The following CDC42EP3 variants were observed in gnomAD, a reference collection of about 807,000 sequenced individuals.
The protein encoded by CDC42EP3 is CDC42 effector protein 3.
CDC42EP3 carries 4 observed loss-of-function variants against 15.5 expected under a neutral mutation model. The observed-to-expected ratio is 0.26, with a 90% confidence interval of 0.13 to 0.59. The LOEUF is 0.59. CDC42EP3 is among the 20% of genes least tolerant of loss of function. The pLI, the probability that CDC42EP3 is intolerant of heterozygous loss-of-function variation, is 0.89. For missense variants in CDC42EP3, 309 were observed against 311.2 expected, an observed-to-expected ratio of 0.99 and a Z score of 0.05; for synonymous variants, 145 against 130.3, an observed-to-expected ratio of 1.11 and a Z score of -0.77.
chr2:37,647,837 C>T (rs79950561), intron 1 of CDC42EP3, among the ~76,000 whole-genome samples: 1 of 152,088 alleles, frequency 6.6e-6, no homozygotes, highest in Non-Finnish European at 1.5e-5. Context: ...TTACACTGTG[C>T]AAGGGCCTAT....
At position 37,646,758 on chromosome 2, in the gene CDC42EP3, C is replaced by T. The variant is rs572227593; in HGVS notation, c.-171G>A. The T allele has an allele frequency of 5.3e-5, 34 of 640,338 alleles. No homozygotes were observed. Among genetic ancestry groups the T allele is most frequent in the Middle Eastern group, 4.6e-4 (1 of 2,194 alleles). The allele number at this position is 640,338 out of a possible 1,614,324, so 39.7% of individuals were successfully genotyped here. Reference sequence around the variant, plus strand: ...GTCAAAGAGAACCTTCCTGAGGTTACGGCCAAGTGAGGCTTCCTAGAGAGC... The same window carrying T: ...GTCAAAGAGAACCTTCCTGAGGTTATGGCCAAGTGAGGCTTCCTAGAGAGC... On this transcript the variant is annotated 5_prime_UTR_variant, in exon 2 of 2. Coordinates refer to ENST00000295324, the MANE Select transcript of CDC42EP3 (RefSeq NM_006449.5).
intron 1 of CDC42EP3, among the ~76,000 whole-genome samples, chr2:37,661,738 A>C (rs1181287561): frequency 1.3e-5 from 2 of 152,172 alleles, no homozygotes; most frequent in Non-Finnish European, 2.9e-5. Flanking sequence ...ACCCCACCAG[A>C]ATTAGTGATG....
chr2:37,657,088 T>C (rs1003553822), intron 1 of CDC42EP3, among the ~76,000 whole-genome samples: 1 of 146,872 alleles, frequency 6.8e-6, no homozygotes, highest in African/African-American at 2.5e-5. Context: ...GGAAGCCCAT[T>C]GCATGCGACA....
Position 37,645,913 on chromosome 2 carries a change from A to C in CDC42EP3, c.675T>G (p.Ser225=). 1 of 1,612,868 alleles carries C rather than the reference A, an allele frequency of 6.2e-7. No homozygotes were observed. Among genetic ancestry groups the C allele is most frequent in the Admixed American group, 1.7e-5 (1 of 59,876 alleles). The change falls in exon 2 of 2, where the codon TCT becomes TCG. Residue 225 remains serine, a synonymous_variant. Coordinates refer to ENST00000295324, the MANE Select transcript of CDC42EP3 (RefSeq NM_006449.5). Reference sequence around the variant, plus strand: ...GGGAGAGGAGGGAACCTGTAAGGTCAGAGAGGGACTCCTCTGACTTAGTCT... The same window carrying C: ...GGGAGAGGAGGGAACCTGTAAGGTCCGAGAGGGACTCCTCTGACTTAGTCT... The part of the protein sequence containing the change: ...KGKTKSEESL[S]DLTGSLLSLQ...
At position 37,643,609 on chromosome 2, in the gene CDC42EP3, T is replaced by C. The variant is rs549250353; in HGVS notation, c.*2214A>G. ...CACAGCCATACTCCTCCCCTTTTCATGAAATAGTTTCATCTTTACCTTGAG... is the reference window on the plus strand; with the variant it reads ...CACAGCCATACTCCTCCCCTTTTCACGAAATAGTTTCATCTTTACCTTGAG... On this transcript the variant is annotated 3_prime_UTR_variant, in exon 2 of 2. Transcript: ENST00000295324. The C allele has an allele frequency of 9.9e-5, 15 of 152,284 alleles. No homozygotes were observed. Among genetic ancestry groups the C allele is most frequent in the African/African-American group, 3.4e-4 (14 of 41,560 alleles). 9.4% of individuals were successfully genotyped at this position (152,284 alleles called of 1,614,324 possible).
chr2:37,667,708 A>C (rs963795137), intron 1 of CDC42EP3, among the ~76,000 whole-genome samples: 1 of 152,228 alleles, frequency 6.6e-6, no homozygotes, highest in African/African-American at 2.4e-5. Context: ...TGTCATCTTC[A>C]ACTGTGAGAT....
rs1466727049 is a variant in CDC42EP3 at position 37,662,077 on chromosome 2, C to CA, written c.-236+9348dup. ...AAACATCTAGCGTCTAGGAAGTTTC[C>CA]AAAAAAGAAAAAAAAAAAGTAATGT... On this transcript the variant is annotated intron_variant, in intron 1 of 1. Coordinates refer to ENST00000295324, the MANE Select transcript of CDC42EP3 (RefSeq NM_006449.5). Among the ~76,000 whole-genome samples the CA allele has an allele frequency of 2.7e-5, 4 of 145,618 alleles. No homozygotes were observed. The East Asian group carries it at 5.9e-4, about 21-fold the overall frequency.
chr2:37,671,629 A>C lies in CDC42EP3; in HGVS notation c.-439T>G, dbSNP rs1666424508. 6.6e-6 allele frequency: 1 copy of C among 152,290 alleles called. No homozygotes were observed. The highest frequency in any genetic ancestry group is 1.5e-5 in the Non-Finnish European group (1 of 67,910). 9.4% of individuals were successfully genotyped at this position (152,290 alleles called of 1,614,324 possible). ...GCTGCGGTCCCCCGGCCGCGAGAGA[A>C]GGTGCGCGCGACTGAGCGCGGGGCG... On this transcript the variant is annotated 5_prime_UTR_variant, in exon 1 of 2. Coordinates refer to ENST00000295324, the MANE Select transcript of CDC42EP3 (RefSeq NM_006449.5).
chr2:37,665,498 A>G (rs573197408), intron 1 of CDC42EP3, among the ~76,000 whole-genome samples: 1 of 152,222 alleles, frequency 6.6e-6, no homozygotes, highest in Non-Finnish European at 1.5e-5. Flanking sequence ...TTGAGAAATC[A>G]AACACATTCT....
At chr2:37,671,142 A>G (rs770669756) in intron 1 of CDC42EP3, among the ~76,000 whole-genome samples, 38 of 152,246 alleles carry the variant, frequency 2.5e-4, no homozygotes, top group Non-Finnish European at 5.0e-4. Flanking sequence ...GGCTCTGCCA[A>G]TAGCTCGGAG....
chr2:37,656,233 C>T (rs542475516), intron 1 of CDC42EP3, among the ~76,000 whole-genome samples: 38 of 152,336 alleles, frequency 2.5e-4, no homozygotes, highest in Non-Finnish European at 2.8e-4. Flanking sequence ...ACTTCCACTA[C>T]CAACATCCTT....
chr2:37,645,629 T>A lies in CDC42EP3; in HGVS notation c.*194A>T. 1 of 464,974 alleles carries A rather than the reference T, an allele frequency of 2.2e-6. No homozygotes were observed. The allele number at this position is 464,974 out of a possible 1,614,324, so 28.8% of individuals were successfully genotyped here. On this transcript the variant is annotated 3_prime_UTR_variant, in exon 2 of 2. Transcript: ENST00000295324. ...GACTCACTTCCTTTTTTTGCCAAGA[T>A]AGGTTTTGCTTTGTTGTTTTTTTCT...
chr2:37,646,150 C>T lies in CDC42EP3; in HGVS notation c.438G>A (p.Glu146=). 6.2e-7 allele frequency: 1 copy of T among 1,614,210 alleles called. No homozygotes were observed. Among genetic ancestry groups the T allele is most frequent in the African/African-American group, 1.3e-5 (1 of 75,030 alleles). Residue 146 remains glutamate, a synonymous_variant, in exon 2 of 2, where the codon GAG becomes GAA. Transcript: ENST00000295324. The part of the protein sequence containing the change: ...GPAKLPRLSC[E]PVMEEKAQEK... ...CCTGAGCTTTTTCCTCCATGACGGG[C>T]TCGCAGCTAAGCCTGGGCAGCTTTG... is the stretch of plus-strand genomic sequence containing the variant.
chr2:37,652,250 C>CACATCAGA (rs1665712486), intron 1 of CDC42EP3, among the ~76,000 whole-genome samples: 1 of 142,612 alleles, frequency 7.0e-6, no homozygotes, highest in East Asian at 2.1e-4. Flanking sequence ...GAATGACCAA[C>CACATCAGA]ACATCAGAAC....
intron 1 of CDC42EP3, among the ~76,000 whole-genome samples, chr2:37,659,092 A>C (rs1665972678): frequency 6.6e-6 from 1 of 152,178 alleles, no homozygotes; most frequent in Non-Finnish European, 1.5e-5. Context: ...AAACCTAGCA[A>C]CTATCACACT....
chr2:37,665,628 G>C (rs115415363), intron 1 of CDC42EP3, among the ~76,000 whole-genome samples: 11 of 152,248 alleles, frequency 7.2e-5, no homozygotes, highest in African/African-American at 2.6e-4. Context: ...TCATGACAAC[G>C]ATCTATCATT....
chr2:37,648,807 G>C (rs925330666), intron 1 of CDC42EP3, among the ~76,000 whole-genome samples: 1 of 152,130 alleles, frequency 6.6e-6, no homozygotes, highest in African/African-American at 2.4e-5. Context: ...ACAATGCCTA[G>C]TCCTGGCCTC....
At chr2:37,652,174 CAAAAAA>C (rs61407687) in intron 1 of CDC42EP3, among the ~76,000 whole-genome samples, 25 of 39,128 alleles carry the variant, frequency 6.4e-4, no homozygotes, top group Admixed American at 2.3e-3. Context: ...GACTCCCTCT[CAAAAAA>C]AAAAAAAAAA....
In CDC42EP3 at chr2:37,664,870, G is replaced by A. The variant is rs541318801; in HGVS notation, c.-236+6556C>T. ...AAGTGGGAGCTAAATGAGAACAAAT[G>A]GACACAAAGAGGGAAACAACAGACA... On this transcript the variant is annotated intron_variant, in intron 1 of 1. Coordinates refer to ENST00000295324, the MANE Select transcript of CDC42EP3 (RefSeq NM_006449.5). Among the ~76,000 whole-genome samples the A allele has an allele frequency of 3.9e-5, 6 of 152,128 alleles. No individual in the cohort carries two copies. The East Asian group carries it at 1.2e-3, about 29-fold the overall frequency.
Sources: allele counts gnomAD v4.1 joint callset (sites outside exome capture counted in the v4.1 genomes callset), GRCh38; gene constraint gnomAD v4.1.1; transcripts MANE v1.5; gene names NCBI Gene and HGNC (gene_info 2026-07-23, HGNC 2026-07-21).